KCNAB1: variants seen among roughly 807,000 people sequenced by gnomAD.
KCNAB1 encodes the protein potassium voltage-gated channel subfamily A regulatory beta subunit 1, also known as voltage-gated potassium channel subunit beta-1.
Under a neutral mutation model 64.6 loss-of-function variants are expected in KCNAB1, and 35 were observed. The observed-to-expected ratio is 0.54, with a 90% confidence interval of 0.41 to 0.72. The LOEUF is 0.72. Ranked by LOEUF, KCNAB1 falls within the 30% of genes least tolerant of loss-of-function variation. KCNAB1 has a pLI of 0.00. For synonymous variants in KCNAB1, 177 were observed against 183.8 expected (o/e 0.96, Z 0.30); for missense variants, 401 against 512.9 (o/e 0.78, Z 2.11).
At chr3:156,495,485 C>A (rs1715949540) in intron 8 of KCNAB1, among the ~76,000 whole-genome samples, 1 of 152,086 alleles carries the variant, frequency 6.6e-6, no homozygotes, top group South Asian at 2.1e-4. Flanking sequence ...AACCTAAATA[C>A]CCACCAGTGA....
intron 1 of KCNAB1, among the ~76,000 whole-genome samples, chr3:156,163,923 A>G (rs910838576): frequency 1.6e-4 from 24 of 152,226 alleles, no homozygotes; most frequent in Non-Finnish European, 2.5e-4. Context: ...TTGATGATCT[A>G]CAAGGTGATT....
intron 1 of KCNAB1, among the ~76,000 whole-genome samples, chr3:156,318,455 T>C (rs1238457428): frequency 6.6e-6 from 1 of 152,190 alleles, no homozygotes; most frequent in South Asian, 2.1e-4. Context: ...TCCCAGCAAC[T>C]GTTGCTTTGT....
chr3:156,323,843 G>T (rs1013517120), intron 1 of KCNAB1, among the ~76,000 whole-genome samples: 1 of 152,038 alleles, frequency 6.6e-6, no homozygotes, highest in Non-Finnish European at 1.5e-5. Context: ...ACTGCTTCCT[G>T]TTGCTTTTAG....
rs550751899 is a variant in KCNAB1, at chr3:156,154,020, A to G, written c.275+33134A>G. On this transcript the variant is annotated intron_variant, in intron 1 of 13. Transcript: ENST00000490337. ...GTTTATCTGGAAAACTCTAAGTAAC[A>G]TAGATTTCTCATTGTACTTTCCTCC... Among the ~76,000 whole-genome samples, 204 of 152,342 alleles carry G rather than the reference A, an allele frequency of 1.3e-3. 1 individual carries two copies. Among genetic ancestry groups the G allele is most frequent in the African/African-American group, 4.7e-3 (195 of 41,572 alleles).
intron 12 of KCNAB1, among the ~76,000 whole-genome samples, chr3:156,530,643 T>C (rs1718638343): frequency 6.6e-6 from 1 of 151,968 alleles, no homozygotes; most frequent in Admixed American, 6.6e-5. Context: ...GCAGCACTGA[T>C]GGGGATTTGC....
intron 2 of KCNAB1, chr3:156,441,576 A>G (rs1370700388): frequency 7.2e-5 from 11 of 152,204 alleles, no homozygotes; most frequent in Non-Finnish European, 1.0e-4. Context: ...AAGATATTGA[A>G]AATATTTAAA....
At chr3:156,340,163 A>G (rs1028516639) in intron 1 of KCNAB1, among the ~76,000 whole-genome samples, 3 of 152,056 alleles carry the variant, frequency 2.0e-5, no homozygotes, top group East Asian at 1.9e-4. Context: ...TATCAGCCCT[A>G]CCCCTCAGTA....
intron 4 of KCNAB1, among the ~76,000 whole-genome samples, chr3:156,459,149 C>T (rs1460561053): frequency 6.6e-6 from 1 of 152,198 alleles, no homozygotes; most frequent in Non-Finnish European, 1.5e-5. Context: ...GTTGGTCTTA[C>T]TGGGAGGGAC....
At chr3:156,421,574 C>T in intron 1 of KCNAB1, 42 bp from the exon 2 acceptor site, 1 of 1,600,738 alleles carries the variant, frequency 6.2e-7, no homozygotes. Context: ...ACAGTTCCAC[C>T]TGAGGAAATG....
intron 1 of KCNAB1, among the ~76,000 whole-genome samples, chr3:156,406,851 A>G (rs565592326): frequency 6.6e-5 from 10 of 152,306 alleles, no homozygotes; most frequent in Admixed American, 4.6e-4. Context: ...ACTATTCCAT[A>G]GGGAAAGGGA....
intron 8 of KCNAB1, among the ~76,000 whole-genome samples, chr3:156,497,053 A>G (rs1335061658): frequency 6.6e-6 from 1 of 152,218 alleles, no homozygotes; most frequent in Non-Finnish European, 1.5e-5. Context: ...TATTTAAAAT[A>G]TTAAACTCCT....
intron 1 of KCNAB1, among the ~76,000 whole-genome samples, chr3:156,125,154 A>G (rs1316782437): frequency 1.3e-5 from 2 of 151,952 alleles, no homozygotes; most frequent in Admixed American, 6.6e-5. Flanking sequence ...AAAAAGAACC[A>G]TTGCAAAACT....
chr3:156,442,367 T>C (rs1388088005), intron 2 of KCNAB1, among the ~76,000 whole-genome samples: 1 of 152,208 alleles, frequency 6.6e-6, no homozygotes, highest in Non-Finnish European at 1.5e-5. Context: ...CCGTTCATCC[T>C]ATTTCCAATG....
chr3:156,459,879 A>G lies in KCNAB1; in HGVS notation c.482+8A>G, dbSNP rs751719255. ...CAAGAAGAAAGGCTGGAGGTATTGC[A>G]TTCGCCATAATTATTTGTTTTTAAA... is the stretch of plus-strand genomic sequence containing the variant. On this transcript the variant is annotated splice_region_variant and intron_variant, in intron 5 of 13. Coordinates refer to ENST00000490337, the MANE Select transcript of KCNAB1 (RefSeq NM_172160.3). 6 of 1,596,530 alleles carry G rather than the reference A, an allele frequency of 3.8e-6. No homozygotes were observed. Among genetic ancestry groups the G allele is most frequent in the South Asian group, 3.3e-5 (3 of 90,200 alleles).
Position 156,537,085 on chromosome 3 carries a change from A to G in KCNAB1, c.*338A>G, listed in dbSNP as rs1385941840. On this transcript the variant is annotated 3_prime_UTR_variant, in exon 14 of 14. Coordinates refer to ENST00000490337, the MANE Select transcript of KCNAB1 (RefSeq NM_172160.3). ...GTAACTCAAAGAAGGCTGTACAGAT[A>G]TATTTTTTCAAAAGAACAAAATCCA... The G allele has an allele frequency of 4.9e-6, 2 of 404,768 alleles. No homozygotes were observed. The highest frequency in any genetic ancestry group is 2.1e-5 in the African/African-American group (1 of 48,752). The allele number at this position is 404,768 out of a possible 1,614,324, so 25.1% of individuals were successfully genotyped here.
chr3:156,194,031 A>T (rs1713728258), intron 1 of KCNAB1, among the ~76,000 whole-genome samples: 1 of 151,936 alleles, frequency 6.6e-6, no homozygotes, highest in Non-Finnish European at 1.5e-5. Context: ...TGTATTTCTT[A>T]CCTCCCATCC....
At chr3:156,496,430 T>C (rs1290951431) in intron 8 of KCNAB1, among the ~76,000 whole-genome samples, 3 of 152,094 alleles carry the variant, frequency 2.0e-5, no homozygotes, top group Non-Finnish European at 4.4e-5. Context: ...CACATGCTCT[T>C]TTGCCTGCCA....
chr3:156,348,311 G>C (rs1299897649), intron 1 of KCNAB1, among the ~76,000 whole-genome samples: 6 of 152,194 alleles, frequency 3.9e-5, no homozygotes, highest in African/African-American at 1.2e-4. Context: ...CTTGGATGCA[G>C]AAGAAGCAGA....
At chr3:156,506,289 G>T (rs922173079) in intron 8 of KCNAB1, among the ~76,000 whole-genome samples, 11 of 152,240 alleles carry the variant, frequency 7.2e-5, no homozygotes, top group Non-Finnish European at 1.5e-4. Flanking sequence ...TTTCACCATG[G>T]TCTCCTGCAT....
Sources: allele counts gnomAD v4.1 joint callset (sites outside exome capture counted in the v4.1 genomes callset), GRCh38; gene constraint gnomAD v4.1.1; transcripts MANE v1.5; gene names NCBI Gene and HGNC (gene_info 2026-07-23, HGNC 2026-07-21).